Variants in SLCO4A1 observed in about 807,000 individuals in gnomAD.
SLCO4A1 encodes the protein solute carrier organic anion transporter family member 4A1.
SLCO4A1 carries 51 observed loss-of-function variants against 64.6 expected under a neutral mutation model. That is an observed-to-expected ratio of 0.79 (90% CI 0.63 to 1.00). SLCO4A1 has a LOEUF of 1.00. Ranked by LOEUF, SLCO4A1 falls within the 50% of genes least tolerant of loss-of-function variation. The probability of loss-of-function intolerance (pLI) is 0.00; values close to 1 mark genes in which losing one functional copy is unlikely to be tolerated. For missense variants in SLCO4A1, 919 were observed against 980.5 expected, an observed-to-expected ratio of 0.94 and a Z score of 0.84; for synonymous variants, 471 against 444.9, an observed-to-expected ratio of 1.06 and a Z score of -0.74.
downstream of SLCO4A1, among the ~76,000 whole-genome samples, chr20:62,676,004 C>G (rs982797520): frequency 3.8e-4 from 58 of 152,274 alleles, no homozygotes; most frequent in African/African-American, 1.2e-3. Context: ...GCTGCGGGGG[C>G]CTCCTGTGTG....
chr20:62,662,191 G>A (rs573846265), intron 5 of SLCO4A1, among the ~76,000 whole-genome samples: 131 of 152,292 alleles, frequency 8.6e-4, no homozygotes, highest in African/African-American at 3.0e-3. Flanking sequence ...GCAGAGAGGA[G>A]CAGGGCTGGA....
Position 62,661,041 on chromosome 20 carries a change from C to CCCCCCCCCCCCCCCCAAACCA in SLCO4A1, c.1010-23_1010-22insCCCCCCCCCCCCCCCAAACCA. On this transcript the variant is annotated intron_variant, in intron 4 of 11. Transcript: ENST00000217159. The surrounding 1 kb of genome is among the most constrained non-coding windows in gnomAD (Gnocchi z 5.2). ...TCCGGGAGCCCCCAGCCCCCAGCCC[C>CCCCCCCCCCCCCCCCAAACCA]AGCTCACTCTGTGCCCTTCCAGGCT... The CCCCCCCCCCCCCCCCAAACCA allele has an allele frequency of 7.0e-7, 1 of 1,424,144 alleles. No homozygotes were observed. Among genetic ancestry groups the CCCCCCCCCCCCCCCCAAACCA allele is most frequent in the Non-Finnish European group, 9.9e-7 (1 of 1,010,142 alleles). 88.2% of individuals were successfully genotyped at this position (1,424,144 alleles called of 1,614,324 possible).
intron 11 of SLCO4A1, 29 bp downstream of exon 11, chr20:62,669,107 G>T: frequency 6.2e-7 from 1 of 1,601,014 alleles, no homozygotes; most frequent in Non-Finnish European, 8.5e-7. Flanking sequence ...GGGACAGAGG[G>T]TCTGCTCTGA....
chr20:62,655,564 G>T (rs1318925589), intron 1 of SLCO4A1, among the ~76,000 whole-genome samples: 1 of 152,190 alleles, frequency 6.6e-6, no homozygotes, highest in Non-Finnish European at 1.5e-5. Context: ...GGATGGTGGG[G>T]AACAGGGCTG....
At chr20:62,646,519 G>A (rs1196124162) in intron 1 of SLCO4A1, among the ~76,000 whole-genome samples, 1 of 152,268 alleles carries the variant, frequency 6.6e-6, no homozygotes, top group African/African-American at 2.4e-5. Context: ...GGGGTCCTGA[G>A]CATGGGCAGG....
rs1988017683 is a variant in SLCO4A1, at chr20:62,685,245, G to T, written n.212-196G>T. On this transcript the variant is annotated intron_variant and non_coding_transcript_variant, in intron 2 of 2. Transcript: ENST00000466818. This position sits in a 1 kb window ranked among gnomAD's most constrained non-coding sequence, Gnocchi z 4.6. ...AGGGTGGCAGCGGGGTGTGGGGGCA[G>T]GAGGAGGGGGGTGGTGGGGAGTGGG... Among the ~76,000 whole-genome samples, 1 of 149,394 alleles carries T rather than the reference G, an allele frequency of 6.7e-6. No homozygotes were observed. Among genetic ancestry groups the T allele is most frequent in the Non-Finnish European group, 1.5e-5 (1 of 67,006 alleles).
chr20:62,658,555 G>A, intron 2 of SLCO4A1, 122 bp from the exon 3 acceptor site: 1 of 714,754 alleles, frequency 1.4e-6, no homozygotes, highest in East Asian at 2.7e-5. Flanking sequence ...GGCCCATGAG[G>A]GGAGTGGGCC....
intron 1 of SLCO4A1, among the ~76,000 whole-genome samples, chr20:62,652,934 A>C (rs904615818): frequency 4.6e-5 from 7 of 152,196 alleles, no homozygotes; most frequent in African/African-American, 1.7e-4. Context: ...TGTGACGCAG[A>C]CGCTTGGCTC....
chr20:62,663,194 A>C (rs1985377147), intron 5 of SLCO4A1: 1 of 152,236 alleles, frequency 6.6e-6, no homozygotes, highest in Non-Finnish European at 1.5e-5. Flanking sequence ...CAGCTCTGCA[A>C]GGCACCTGTG....
rs1364448585 is a variant in SLCO4A1 at position 62,644,472 on chromosome 20, G to A, written c.-97+1919G>A. ...GGCTGGGCACGTGGCAGGCAGGGCA[G>A]GCTGGGCCAGGTGAAGGGTGGCCAG... On this transcript the variant is annotated intron_variant, in intron 1 of 11. Coordinates refer to ENST00000217159, the MANE Select transcript of SLCO4A1 (RefSeq NM_016354.4). This position sits in a 1 kb window ranked among gnomAD's most constrained non-coding sequence, Gnocchi z 5.4. 2.0e-5 allele frequency among the ~76,000 whole-genome samples: 3 copies of A among 152,324 alleles called. No individual in the cohort carries two copies. In the East Asian group the frequency reaches 5.8e-4, roughly 29 times the overall value.
chr20:62,690,322 T>C (rs1988187208), downstream of SLCO4A1, among the ~76,000 whole-genome samples: 1 of 152,100 alleles, frequency 6.6e-6, no homozygotes, highest in Admixed American at 6.5e-5. Context: ...TTGACAGTTT[T>C]CCATGGGAGG....
At chr20:62,658,611 C>G (rs1984190495) in intron 2 of SLCO4A1, 66 bp from the exon 3 acceptor site, 2 of 1,345,326 alleles carry the variant, frequency 1.5e-6, no homozygotes. Flanking sequence ...GGCACGGGGC[C>G]CCACACGGCC....
Position 62,669,065 on chromosome 20 carries a change from G to C in SLCO4A1, c.2012G>C (p.Gly671Ala). 1.2e-6 allele frequency: 2 copies of C among 1,610,588 alleles called. No individual in the cohort carries two copies. The highest frequency in any genetic ancestry group is 1.7e-6 in the Non-Finnish European group (2 of 1,179,970). ...ATGAGCCGCTACATACTCATCATGG[G>C]GCTCCTGTACAAGGTAAGCAGGCCC... Reference protein sequence around the residue: ...SAMSRYILIMGLLYKVLGVLF... With the variant: ...SAMSRYILIMALLYKVLGVLF... The change falls in exon 11 of 12, where the codon GGG (glycine) becomes GCG (alanine). Residue 671 changes from glycine (G) to alanine (A), a missense_variant. Coordinates refer to ENST00000217159, the MANE Select transcript of SLCO4A1 (RefSeq NM_016354.4).
intron 11 of SLCO4A1, among the ~76,000 whole-genome samples, chr20:62,671,487 A>G (rs116491757): frequency 0.028 from 4,294 of 152,280 alleles, 67 homozygotes; most frequent in Middle Eastern, 0.061. Flanking sequence ...GGTGTCTGGC[A>G]CTGTTCAACC....
At position 62,685,049 on chromosome 20, in the gene SLCO4A1, C is replaced by G. The variant is rs150878660; in HGVS notation, n.212-392C>G. Among the ~76,000 whole-genome samples the G allele has an allele frequency of 2.2e-3, 339 of 152,152 alleles. 2 individuals carry two copies. Among genetic ancestry groups the G allele is most frequent in the African/African-American group, 7.8e-3 (322 of 41,488 alleles). ...AGTAATGGGGCGGATTAGCAGGGGC[C>G]AAGGGTCTGGGGTGAGGCCACAGTG... On this transcript the variant is annotated intron_variant and non_coding_transcript_variant, in intron 2 of 2. Transcript: ENST00000466818. This position sits in a 1 kb window ranked among gnomAD's most constrained non-coding sequence, Gnocchi z 4.6.
chr20:62,665,334 C>G, intron 6 of SLCO4A1: 1 of 475,438 alleles, frequency 2.1e-6, no homozygotes, highest in Non-Finnish European at 3.7e-6. Context: ...ACGGTGGGCT[C>G]CACCCCCTAG....
chr20:62,664,362 C>T (rs1189277632), intron 5 of SLCO4A1, among the ~76,000 whole-genome samples: 1 of 152,196 alleles, frequency 6.6e-6, no homozygotes, highest in African/African-American at 2.4e-5. Context: ...CTTCCTGCCC[C>T]ACTTCTCCCA....
In SLCO4A1 at chr20:62,658,659, C is replaced by A; in HGVS notation, c.797-18C>A. 6.2e-7 allele frequency: 1 copy of A among 1,601,888 alleles called. No individual in the cohort carries two copies. Among genetic ancestry groups the A allele is most frequent in the Non-Finnish European group, 8.5e-7 (1 of 1,174,270 alleles). On this transcript the variant is annotated intron_variant, in intron 2 of 11. Coordinates refer to ENST00000217159, the MANE Select transcript of SLCO4A1 (RefSeq NM_016354.4). ...TGGGTGGTGCACAGCGGCCCTGACG[C>A]CTCTGCCTCTCTCGCAGCCATCTTC...
chr20:62,687,293 C>T (rs1311277390), downstream of SLCO4A1, among the ~76,000 whole-genome samples: 4 of 151,812 alleles, frequency 2.6e-5, no homozygotes, highest in East Asian at 5.8e-4. Context: ...TGAAGTTGAC[C>T]AAACGCCACA....
Sources: gnomAD v4.1 joint callset for allele counts (sites outside exome capture counted in the v4.1 genomes callset) on GRCh38, gnomAD v4.1.1 for gene constraint, Gnocchi (gnomAD v3.1) non-coding constraint, MANE v1.5 for transcripts, NCBI Gene and HGNC (gene_info 2026-07-23, HGNC 2026-07-21) for gene names.